COG5: variants seen among roughly 807,000 people sequenced by gnomAD.
COG5 encodes component of oligomeric golgi complex 5, also known as conserved oligomeric Golgi complex subunit 5.
COG5 carries 86 observed loss-of-function variants against 110.4 expected under a neutral mutation model. That is an observed-to-expected ratio of 0.78 (90% CI 0.65 to 0.93). COG5 has a LOEUF of 0.93. Among genes scored for constraint, COG5 ranks in the 40% least tolerant of loss-of-function variants. COG5 has a pLI of 0.00. For missense variants in COG5, 1,077 were observed against 987.0 expected (o/e 1.09, Z -1.22); for synonymous variants, 360 against 334.6 (o/e 1.08, Z -0.83).
At chr7:107,515,394 G>A (rs868530214) in intron 6 of COG5, among the ~76,000 whole-genome samples, 8 of 151,970 alleles carry the variant, frequency 5.3e-5, no homozygotes, top group Admixed American at 2.6e-4. Context: ...AGTTTATCAC[G>A]GTAACCTATA....
intron 7 of COG5, among the ~76,000 whole-genome samples, chr7:107,380,149 C>T (rs1165355116): frequency 6.6e-6 from 1 of 151,906 alleles, no homozygotes; most frequent in Non-Finnish European, 1.5e-5. Flanking sequence ...ACACAATGTA[C>T]CAGAAACTCT....
At chr7:107,289,900 A>G (rs1806021655) in intron 12 of COG5, among the ~76,000 whole-genome samples, 1 of 152,186 alleles carries the variant, frequency 6.6e-6, no homozygotes, top group African/African-American at 2.4e-5. Context: ...CAAAGATAAA[A>G]GTTAAGCTTG....
intron 10 of COG5, among the ~76,000 whole-genome samples, chr7:107,353,587 A>G (rs936924555): frequency 6.6e-6 from 1 of 152,182 alleles, no homozygotes; most frequent in Non-Finnish European, 1.5e-5. Context: ...GCATTTATTA[A>G]TGCAGAAGCA....
intron 6 of COG5, among the ~76,000 whole-genome samples, chr7:107,416,295 T>C (rs769385769): frequency 1.3e-4 from 20 of 151,964 alleles, no homozygotes; most frequent in African/African-American, 4.8e-5. Context: ...CAAGTACTAC[T>C]ACAGAAGAGT....
chr7:107,307,119 T>C (rs1807795394), intron 11 of COG5, among the ~76,000 whole-genome samples: 1 of 152,216 alleles, frequency 6.6e-6, no homozygotes, highest in South Asian at 2.1e-4. Context: ...GTAATAACAG[T>C]CTGCACACAT....
rs527613530 is a variant in COG5 at position 107,388,961 on chromosome 7, G to A, written c.670-16201C>T. Reference sequence around the variant, plus strand: ...AGAGGATAACTCAGAAGGCTGAAACGAATTCTACTCCAGACACAGACACCA... The same window carrying A: ...AGAGGATAACTCAGAAGGCTGAAACAAATTCTACTCCAGACACAGACACCA... On this transcript the variant is annotated intron_variant, in intron 7 of 21. Coordinates refer to ENST00000297135, the MANE Select transcript of COG5 (RefSeq NM_006348.5). 3.8e-4 allele frequency among the ~76,000 whole-genome samples: 58 copies of A among 152,172 alleles called. 1 individual carries two copies. Among genetic ancestry groups the A allele is most frequent in the Non-Finnish European group, 2.4e-4 (16 of 67,966 alleles).
chr7:107,318,422 T>C (rs1043228372), intron 11 of COG5, among the ~76,000 whole-genome samples: 1 of 152,202 alleles, frequency 6.6e-6, no homozygotes, highest in African/African-American at 2.4e-5. Flanking sequence ...GAAAATAAAA[T>C]GATAGCCACC....
chr7:107,519,536 A>T (rs1377896764), intron 6 of COG5, among the ~76,000 whole-genome samples: 5 of 152,188 alleles, frequency 3.3e-5, no homozygotes, highest in Non-Finnish European at 7.3e-5. Flanking sequence ...AATGAACTAG[A>T]AAATCTAGAA....
At chr7:107,414,130 CAGGTT>C (rs1472560771) in intron 6 of COG5, among the ~76,000 whole-genome samples, 2 of 152,082 alleles carry the variant, frequency 1.3e-5, no homozygotes, top group African/African-American at 4.8e-5. Context: ...AAAATTTGCC[CAGGTT>C]AGAACAATGA....
At position 107,203,583 on chromosome 7, in the gene COG5, T is replaced by C. The variant is rs868650147; in HGVS notation, c.2423A>G (p.Lys808Arg). The C allele has an allele frequency of 6.2e-7, 1 of 1,614,030 alleles. No individual in the cohort carries two copies. Among genetic ancestry groups the C allele is most frequent in the Non-Finnish European group, 8.5e-7 (1 of 1,180,012 alleles). Residue 808 changes from lysine to arginine, a missense_variant, in exon 22 of 22, where the codon AAA becomes AGA. Transcript: ENST00000297135. The part of the protein sequence containing the change: ...YVQSVRSREG[K>R]EFAPVYPIMV... ...TATGGGATAAACTGGTGCAAATTCT[T>C]TGCCTTCTCTACTTCTCACTGATTG...
chr7:107,332,566 TAAG>T (rs1428439463), intron 10 of COG5, among the ~76,000 whole-genome samples: 1 of 152,084 alleles, frequency 6.6e-6, no homozygotes, highest in Non-Finnish European at 1.5e-5. Context: ...AGGAGAGATT[TAAG>T]AAGAAGTGGT....
chr7:107,303,981 C>T (rs1372857332), intron 11 of COG5, among the ~76,000 whole-genome samples: 1 of 151,954 alleles, frequency 6.6e-6, no homozygotes, highest in East Asian at 1.9e-4. Context: ...AACACAGGCA[C>T]AAATGTGGAA....
At chr7:107,324,653 C>A in intron 10 of COG5, 132 bp from the exon 11 acceptor site, 2 of 565,418 alleles carry the variant, frequency 3.5e-6, no homozygotes, top group South Asian at 2.5e-5. Flanking sequence ...AACCATCAAA[C>A]AATAGAATTA....
At chr7:107,398,583 T>C (rs1791183846) in intron 7 of COG5, among the ~76,000 whole-genome samples, 2 of 152,150 alleles carry the variant, frequency 1.3e-5, no homozygotes, top group African/African-American at 4.8e-5. Context: ...CCCCCACATG[T>C]GTGGAAAAAC....
chr7:107,547,786 T>C (rs376966391), intron 5 of COG5, among the ~76,000 whole-genome samples: 71 of 144,072 alleles, frequency 4.9e-4, no homozygotes, highest in African/African-American at 1.9e-3. Flanking sequence ...CCATTTACAA[T>C]AGCTACAAAA....
Position 107,346,267 on chromosome 7 carries a change from T to C in COG5, c.1026+15766A>G, listed in dbSNP as rs1210651666. ...AGTTTTCTTTCTTCAGATAATTTAATATTTTATCATTTAAAACTACTGAAG... is the reference window on the plus strand; with the variant it reads ...AGTTTTCTTTCTTCAGATAATTTAACATTTTATCATTTAAAACTACTGAAG... On this transcript the variant is annotated intron_variant, in intron 10 of 21. Transcript: ENST00000297135. Among the ~76,000 whole-genome samples the C allele has an allele frequency of 2.0e-5, 3 of 152,218 alleles. No homozygotes were observed. In the East Asian group the frequency reaches 5.8e-4, roughly 29 times the overall value.
chr7:107,407,980 A>G (rs1220184734), intron 7 of COG5, among the ~76,000 whole-genome samples: 1 of 152,232 alleles, frequency 6.6e-6, no homozygotes, highest in Non-Finnish European at 1.5e-5. Flanking sequence ...GATATGCCTT[A>G]TATTAAGATC....
intron 7 of COG5, among the ~76,000 whole-genome samples, chr7:107,398,793 G>A (rs1791208719): frequency 6.6e-6 from 1 of 152,160 alleles, no homozygotes; most frequent in South Asian, 2.1e-4. Context: ...ATTAGTAATT[G>A]CCTGGGTTTG....
intron 8 of COG5, among the ~76,000 whole-genome samples, chr7:107,366,949 C>A (rs149780323): frequency 6.6e-6 from 1 of 152,094 alleles, no homozygotes; most frequent in African/African-American, 2.4e-5. Flanking sequence ...GTGGGAAAGG[C>A]TGAATTGGGA....
Sources: gnomAD v4.1 joint callset for allele counts (sites outside exome capture counted in the v4.1 genomes callset) on GRCh38, gnomAD v4.1.1 for gene constraint, MANE v1.5 for transcripts, NCBI Gene and HGNC (gene_info 2026-07-23, HGNC 2026-07-21) for gene names.